Variants in NDST4 observed in about 807,000 individuals in gnomAD.
The protein encoded by NDST4 is N-deacetylase and N-sulfotransferase 4.
In NDST4, 63 loss-of-function variants were observed where a neutral mutation model predicts 100.8. That is an observed-to-expected ratio of 0.62 (90% CI 0.51 to 0.77). The LOEUF is 0.77. Among genes scored for constraint, NDST4 ranks in the 30% least tolerant of loss-of-function variants. NDST4 has a pLI of 0.00. For missense variants in NDST4, 943 were observed against 1,018.4 expected, an observed-to-expected ratio of 0.93 and a Z score of 1.01; for synonymous variants, 377 against 361.8, an observed-to-expected ratio of 1.04 and a Z score of -0.48.
intron 12 of NDST4, among the ~76,000 whole-genome samples, chr4:114,831,826 C>T (rs868214071): frequency 6.6e-6 from 1 of 152,152 alleles, no homozygotes; most frequent in African/African-American, 2.4e-5. Flanking sequence ...GACATTTATC[C>T]TCTCTAAGTT....
chr4:115,013,346 C>CATATATATAT lies in NDST4; in HGVS notation c.979-36082_979-36073dup, dbSNP rs200801455. Among the ~76,000 whole-genome samples, 241 of 65,338 alleles carry CATATATATAT rather than the reference C, an allele frequency of 3.7e-3. 4 individuals carry two copies. Among genetic ancestry groups the CATATATATAT allele is most frequent in the East Asian group, 0.023 (47 of 2,056 alleles). The allele number at this position is 65,338 out of a possible 152,430, so 42.9% of individuals were successfully genotyped here. On this transcript the variant is annotated intron_variant, in intron 2 of 13. Transcript: ENST00000264363. ...ATGTACTCCATAAAAATATAAATACCATATATATATATATATATATATATA... is the reference window on the plus strand; with the variant it reads ...ATGTACTCCATAAAAATATAAATACCATATATATATATATATATATATATATATATATATA...
Position 114,886,424 on chromosome 4 carries a change from G to A in NDST4, c.1537-15474C>T, listed in dbSNP as rs183912724. ...TTGAGGAACTCTTTAGACGGAGGCA[G>A]AAAACACTTTCCGGTAGCTGTTTAT... On this transcript the variant is annotated intron_variant, in intron 6 of 13. Transcript: ENST00000264363. 8.7e-4 allele frequency among the ~76,000 whole-genome samples: 133 copies of A among 152,204 alleles called. 1 individual carries two copies. The highest frequency in any genetic ancestry group is 2.9e-3 in the African/African-American group (122 of 41,566).
At chr4:115,068,187 G>C (rs765873320) in intron 2 of NDST4, among the ~76,000 whole-genome samples, 18 of 151,662 alleles carry the variant, frequency 1.2e-4, no homozygotes, top group Non-Finnish European at 1.5e-5. Flanking sequence ...CATCAAATTT[G>C]TACAATATAT....
chr4:114,916,173 A>G (rs1439590250), intron 6 of NDST4, among the ~76,000 whole-genome samples: 4 of 152,140 alleles, frequency 2.6e-5, no homozygotes, highest in South Asian at 2.1e-4. Context: ...CTGGTGAAAG[A>G]AAAACTATCC....
chr4:115,048,535 C>T (rs1277048752), intron 2 of NDST4, among the ~76,000 whole-genome samples: 1 of 152,140 alleles, frequency 6.6e-6, no homozygotes, highest in Non-Finnish European at 1.5e-5. Flanking sequence ...CCACCTCAGT[C>T]TACGAGAATT....
chr4:114,917,808 T>C (rs996769454), intron 6 of NDST4, among the ~76,000 whole-genome samples: 1 of 152,158 alleles, frequency 6.6e-6, no homozygotes, highest in African/African-American at 2.4e-5. Flanking sequence ...CTCTGAATAG[T>C]TTCCTCATCC....
chr4:114,934,905 G>A (rs1725594582), intron 6 of NDST4: 1 of 160,848 alleles, frequency 6.2e-6, no homozygotes, highest in South Asian at 2.0e-4. Flanking sequence ...AAAGCTGAGA[G>A]AAAGACCTAA....
At position 114,848,270 on chromosome 4, in the gene NDST4, T is replaced by A; in HGVS notation, c.1885A>T (p.Thr629Ser). 1 of 1,611,060 alleles carries A rather than the reference T, an allele frequency of 6.2e-7. No homozygotes were observed. Among genetic ancestry groups the A allele is most frequent in the Non-Finnish European group, 8.5e-7 (1 of 1,178,258 alleles). ...TTAAAGAACTGAACTTCCTCAAATGTCTTTGGACTAGGGAGATTGCTGATG... is the reference window on the plus strand; with the variant it reads ...TTAAAGAACTGAACTTCCTCAAATGACTTTGGACTAGGGAGATTGCTGATG... ...SIISNLPSPK[T>S]FEEVQFFNGN... The change falls in exon 9 of 14, where the codon ACA (threonine) becomes TCA (serine). Residue 629 changes from threonine (T) to serine (S), a missense_variant. Physicochemically the swap from Thr to Ser is moderately conservative, Grantham distance 58. Coordinates refer to ENST00000264363, the MANE Select transcript of NDST4 (RefSeq NM_022569.3).
intron 6 of NDST4, among the ~76,000 whole-genome samples, chr4:114,898,128 A>T (rs1452023372): frequency 6.6e-6 from 1 of 152,180 alleles, no homozygotes; most frequent in Non-Finnish European, 1.5e-5. Context: ...AGTTATTGGC[A>T]TACCCAAGGT....
At chr4:114,997,553 G>C (rs942546221) in intron 2 of NDST4, among the ~76,000 whole-genome samples, 1 of 151,882 alleles carries the variant, frequency 6.6e-6, no homozygotes. Flanking sequence ...GAATATTGAA[G>C]CATAAATATT....
chr4:114,852,992 C>A (rs1416244667), intron 7 of NDST4, among the ~76,000 whole-genome samples, 171 bp from the exon 8 acceptor site: 1 of 152,134 alleles, frequency 6.6e-6, no homozygotes, highest in African/African-American at 2.4e-5. Context: ...GTTATTGACA[C>A]CTTCCTTATC....
chr4:115,017,785 T>C (rs974909527), intron 2 of NDST4, among the ~76,000 whole-genome samples: 4 of 152,106 alleles, frequency 2.6e-5, no homozygotes, highest in South Asian at 4.1e-4. Flanking sequence ...AGAGTGAATT[T>C]TACTTTTGGA....
intron 2 of NDST4, among the ~76,000 whole-genome samples, chr4:114,978,808 C>T (rs1425426799): frequency 1.3e-5 from 2 of 151,988 alleles, no homozygotes; most frequent in Non-Finnish European, 2.9e-5. Context: ...CAATTTCATC[C>T]ACTTATCTTT....
At chr4:114,929,037 TGTCTGTCCGTCC>T (rs1365608134) in intron 6 of NDST4, among the ~76,000 whole-genome samples, 14 of 131,494 alleles carry the variant, frequency 1.1e-4, no homozygotes, top group African/African-American at 3.5e-4. Context: ...TCTGTCTGTC[TGTCTGTCCGTCC>T]GTCCGTCCGT....
chr4:115,043,971 G>A (rs1728406895), intron 2 of NDST4, among the ~76,000 whole-genome samples: 1 of 151,974 alleles, frequency 6.6e-6, no homozygotes, highest in Non-Finnish European at 1.5e-5. Flanking sequence ...AAATAAACAT[G>A]CGTTTTAGAT....
intron 1 of NDST4, among the ~76,000 whole-genome samples, chr4:115,080,235 C>T (rs1729273142): frequency 6.6e-6 from 1 of 152,168 alleles, no homozygotes; most frequent in Non-Finnish European, 1.5e-5. Context: ...CTCCCAAGGT[C>T]AAGTGATTCT....
chr4:114,920,150 T>C (rs1725259082), intron 6 of NDST4, among the ~76,000 whole-genome samples: 1 of 152,170 alleles, frequency 6.6e-6, no homozygotes, highest in African/African-American at 2.4e-5. Context: ...TATTGACATA[T>C]ATGTATTTTT....
chr4:114,869,993 C>T (rs1331849503), intron 7 of NDST4, among the ~76,000 whole-genome samples: 4 of 152,118 alleles, frequency 2.6e-5, no homozygotes, highest in African/African-American at 9.7e-5. Context: ...AATGGTGATG[C>T]TACTTTCTCA....
rs534247937 is a variant in NDST4, at chr4:114,861,057, T to C, written c.1720-8236A>G. Among the ~76,000 whole-genome samples the C allele has an allele frequency of 7.9e-5, 12 of 152,334 alleles. 2 individuals are homozygous for C. The East Asian group carries it at 1.4e-3, about 17-fold the overall frequency. ...TAATTGCCAACATCAACTTAATGCTTCAGTTATACTGTATTCACTACTGTA... is the reference window on the plus strand; with the variant it reads ...TAATTGCCAACATCAACTTAATGCTCCAGTTATACTGTATTCACTACTGTA... On this transcript the variant is annotated intron_variant, in intron 7 of 13. Transcript: ENST00000264363.
Sources: gnomAD v4.1 joint callset for allele counts (sites outside exome capture counted in the v4.1 genomes callset) on GRCh38, gnomAD v4.1.1 for gene constraint, MANE v1.5 for transcripts, NCBI Gene and HGNC (gene_info 2026-07-23, HGNC 2026-07-21) for gene names.